SLC10A7: variants seen among roughly 807,000 people sequenced by gnomAD.
SLC10A7 encodes sodium/bile acid cotransporter 7.
Under a neutral mutation model 43.2 loss-of-function variants are expected in SLC10A7, and 29 were observed. That is an observed-to-expected ratio of 0.67 (90% CI 0.50 to 0.92). The LOEUF (loss-of-function observed/expected upper bound fraction) is 0.92. Among genes scored for constraint, SLC10A7 ranks in the 40% least tolerant of loss-of-function variants. The pLI is 0.00. For synonymous variants in SLC10A7, 152 were observed against 144.8 expected, an observed-to-expected ratio of 1.05 and a Z score of -0.35; for missense variants, 295 against 403.2, an observed-to-expected ratio of 0.73 and a Z score of 2.30.
chr4:146,287,713 G>A (rs1730129322), intron 9 of SLC10A7, among the ~76,000 whole-genome samples: 1 of 152,198 alleles, frequency 6.6e-6, no homozygotes, highest in South Asian at 2.1e-4. Context: ...CTAGGTAGGG[G>A]ATGTTGTCCA....
In SLC10A7 at chr4:146,454,674, G is replaced by A. The variant is rs146361458; in HGVS notation, c.397-11853C>T. ...TAGAGGCTCTCTCTTTAATCTTTAG[G>A]CAAACTTTGAACAATGCTGTGCACA... On this transcript the variant is annotated intron_variant, in intron 4 of 11. Transcript: ENST00000335472. Among the ~76,000 whole-genome samples, 1,299 of 151,730 alleles carry A rather than the reference G, an allele frequency of 8.6e-3. 6 individuals carry two copies. The highest frequency in any genetic ancestry group is 0.015 in the Non-Finnish European group (1,047 of 67,778).
intron 5 of SLC10A7, among the ~76,000 whole-genome samples, chr4:146,356,210 A>T (rs1466253405): frequency 2.0e-5 from 3 of 151,962 alleles, no homozygotes; most frequent in African/African-American, 7.2e-5. Context: ...GAGACCATTT[A>T]AAAATCTTTT....
intron 5 of SLC10A7, among the ~76,000 whole-genome samples, chr4:146,409,651 C>A (rs1180448542): frequency 6.6e-6 from 1 of 152,088 alleles, no homozygotes; most frequent in Non-Finnish European, 1.5e-5. Context: ...CGGGGAATAG[C>A]ACATCTGTGA....
At chr4:146,511,411 TG>T (rs1737450200) in intron 2 of SLC10A7, among the ~76,000 whole-genome samples, 1 of 152,356 alleles carries the variant, frequency 6.6e-6, no homozygotes, top group East Asian at 1.9e-4. Flanking sequence ...AGAGAGTTAC[TG>T]GTTGTAAGTA....
At chr4:146,377,796 A>T (rs1737310225) in intron 5 of SLC10A7, among the ~76,000 whole-genome samples, 1 of 152,168 alleles carries the variant, frequency 6.6e-6, no homozygotes, top group African/African-American at 2.4e-5. Flanking sequence ...TTTGTATATC[A>T]CAAGTACCTG....
chr4:146,383,603 T>C (rs550693629), intron 5 of SLC10A7, among the ~76,000 whole-genome samples: 4 of 152,202 alleles, frequency 2.6e-5, no homozygotes, highest in Non-Finnish European at 5.9e-5. Context: ...TCTGCTTTTG[T>C]TGCTTCATTC....
At chr4:146,446,177 C>T (rs1579207242) in intron 4 of SLC10A7, among the ~76,000 whole-genome samples, 1 of 151,636 alleles carries the variant, frequency 6.6e-6, no homozygotes, top group East Asian at 2.0e-4. Flanking sequence ...CACGCACACA[C>T]ACCTTAGCAT....
At chr4:146,261,127 C>T (rs1728194477) in intron 10 of SLC10A7, among the ~76,000 whole-genome samples, 1 of 152,214 alleles carries the variant, frequency 6.6e-6, no homozygotes, top group South Asian at 2.1e-4. Flanking sequence ...ACCCTTCTCT[C>T]CACTGCTCTT....
intron 5 of SLC10A7, among the ~76,000 whole-genome samples, chr4:146,375,882 G>T (rs1459921768): frequency 2.0e-5 from 3 of 152,046 alleles, no homozygotes; most frequent in African/African-American, 7.2e-5. Flanking sequence ...CCATCAGACT[G>T]CCCCCCACTT....
chr4:146,363,143 CAT>C (rs1371253615), intron 5 of SLC10A7, among the ~76,000 whole-genome samples: 1 of 151,898 alleles, frequency 6.6e-6, no homozygotes, highest in Non-Finnish European at 1.5e-5. Context: ...TAAAAACACA[CAT>C]AGACTGAAAA....
chr4:146,323,301 G>T (rs1464017512), intron 6 of SLC10A7, among the ~76,000 whole-genome samples: 1 of 152,178 alleles, frequency 6.6e-6, no homozygotes, highest in Non-Finnish European at 1.5e-5. Context: ...CCTTGCCCAT[G>T]CCTATGTTCT....
chr4:146,266,412 C>T (rs948216533), intron 10 of SLC10A7, among the ~76,000 whole-genome samples: 8 of 151,992 alleles, frequency 5.3e-5, no homozygotes, highest in African/African-American at 1.9e-4. Context: ...CACACATGCC[C>T]ATGCACATGG....
chr4:146,270,533 C>T (rs1367021647), intron 10 of SLC10A7, among the ~76,000 whole-genome samples: 6 of 152,212 alleles, frequency 3.9e-5, no homozygotes, highest in Non-Finnish European at 8.8e-5. Context: ...CTTCTAAAAA[C>T]TATGCTGCCT....
At chr4:146,266,429 A>G (rs1416998352) in intron 10 of SLC10A7, among the ~76,000 whole-genome samples, 1 of 151,932 alleles carries the variant, frequency 6.6e-6, no homozygotes, top group Admixed American at 6.6e-5. Context: ...ATGGACACAC[A>G]CACACACACA....
intron 3 of SLC10A7, among the ~76,000 whole-genome samples, chr4:146,507,849 A>C (rs960334731): frequency 6.6e-6 from 1 of 152,212 alleles, no homozygotes; most frequent in Non-Finnish European, 1.5e-5. Context: ...GAAGGGAAAA[A>C]ACACTAAGCC....
intron 3 of SLC10A7, among the ~76,000 whole-genome samples, chr4:146,507,701 C>T (rs901826889): frequency 2.6e-5 from 4 of 152,224 alleles, no homozygotes; most frequent in Non-Finnish European, 5.9e-5. Context: ...ATTCAATGTT[C>T]CCTCTACCTC....
chr4:146,322,364 T>TCCCCCCCCC (rs34494809), intron 6 of SLC10A7, among the ~76,000 whole-genome samples: 3 of 102,614 alleles, frequency 2.9e-5, no homozygotes, highest in South Asian at 3.9e-4. Context: ...ATGCTATCCC[T>TCCCCCCCCC]CCCCCCTCCC....
intron 9 of SLC10A7, among the ~76,000 whole-genome samples, chr4:146,290,007 C>T (rs1730312402): frequency 6.7e-6 from 1 of 148,794 alleles, no homozygotes; most frequent in African/African-American, 2.4e-5. Context: ...AGCAACCACA[C>T]CCAGCCAGAT....
chr4:146,396,615 CATATT>C (rs1738842467), intron 5 of SLC10A7, among the ~76,000 whole-genome samples: 1 of 151,830 alleles, frequency 6.6e-6, no homozygotes, highest in African/African-American at 2.4e-5. Context: ...AAAATAAAAA[CATATT>C]AGGATACAAA....
Sources: allele counts gnomAD v4.1 joint callset (sites outside exome capture counted in the v4.1 genomes callset), GRCh38; gene constraint gnomAD v4.1.1; transcripts MANE v1.5; gene names NCBI Gene and HGNC (gene_info 2026-07-23, HGNC 2026-07-21).